Variants in COL12A1 observed in about 807,000 individuals in gnomAD.
COL12A1 encodes the protein collagen type XII alpha 1 chain, also known as collagen alpha-1(XII) chain.
COL12A1 carries 114 observed loss-of-function variants against 349.7 expected under a neutral mutation model. That is an observed-to-expected ratio of 0.33 (90% CI 0.28 to 0.38). The LOEUF (loss-of-function observed/expected upper bound fraction) is 0.38. Ranked by LOEUF, COL12A1 falls within the 10% of genes least tolerant of loss-of-function variation. The pLI is 1.00. For synonymous variants in COL12A1, 1,369 were observed against 1,329.0 expected (o/e 1.03, Z -0.66); for missense variants, 3,284 against 3,756.9 (o/e 0.87, Z 3.29).
chr6:75,092,231 A>T (rs1353371243), intron 60 of COL12A1, among the ~76,000 whole-genome samples: 2 of 152,210 alleles, frequency 1.3e-5, no homozygotes, highest in Non-Finnish European at 2.9e-5. Flanking sequence ...ACATTAGGAA[A>T]TATACCTAAT....
chr6:75,138,781 G>T, intron 28 of COL12A1, 41 bp downstream of exon 28: 1 of 1,610,332 alleles, frequency 6.2e-7, no homozygotes, highest in Non-Finnish European at 8.5e-7. Context: ...AAATTAAATG[G>T]GACATGAAAG....
At chr6:75,094,409 A>G (rs1199738134) in intron 60 of COL12A1, among the ~76,000 whole-genome samples, 2 of 152,144 alleles carry the variant, frequency 1.3e-5, no homozygotes, top group East Asian at 3.8e-4. Context: ...CAAAAAAAGG[A>G]AAAGCTTGTA....
intron 24 of COL12A1, 64 bp downstream of exon 24, chr6:75,146,038 A>G (rs1356871941): frequency 4.9e-5 from 72 of 1,461,738 alleles, no homozygotes; most frequent in Non-Finnish European, 6.6e-5. Flanking sequence ...CTGCAGTATA[A>G]TAGGCACTAT....
intron 25 of COL12A1, among the ~76,000 whole-genome samples, chr6:75,144,258 T>C (rs1020488639): frequency 2.0e-5 from 3 of 152,214 alleles, no homozygotes; most frequent in African/African-American, 7.2e-5. Context: ...CATGAGTCTC[T>C]ATCCCTGGCT....
intron 43 of COL12A1, among the ~76,000 whole-genome samples, chr6:75,122,974 C>T (rs1324821143): frequency 6.6e-6 from 1 of 152,186 alleles, no homozygotes; most frequent in African/African-American, 2.4e-5. Flanking sequence ...CTCAGGGCTT[C>T]GGTCGCAAAT....
rs550022140 is a variant in COL12A1 at position 75,118,765 on chromosome 6, T to C, written c.7354+278A>G. Among the ~76,000 whole-genome samples, 48 of 152,350 alleles carry C rather than the reference T, an allele frequency of 3.2e-4. No homozygotes were observed. The highest frequency in any genetic ancestry group is 6.2e-4 in the Non-Finnish European group (42 of 68,030). ...GGAAGCCTGCTCTAGCATCATCTCA[T>C]TATCATTGCTTTCTGTAGCCTTCCA... On this transcript the variant is annotated intron_variant, in intron 46 of 65. Transcript: ENST00000322507.
chr6:75,184,266 T>G, intron 8 of COL12A1, 122 bp from the exon 9 acceptor site: 1 of 1,080,478 alleles, frequency 9.3e-7, no homozygotes, highest in Non-Finnish European at 1.3e-6. Context: ...TGAAAAGAGT[T>G]GCCCAATACC....
Position 75,109,167 on chromosome 6 carries a change from C to T in COL12A1, c.7951G>A (p.Val2651Ile), listed in dbSNP as rs1347122880. The T allele has an allele frequency of 2.6e-6, 4 of 1,554,656 alleles. No homozygotes were observed. The East Asian group carries it at 9.1e-5, about 35-fold the overall frequency. The change falls in exon 52 of 66, where the codon GTT (valine) becomes ATT (isoleucine). Residue 2651 changes from valine (V) to isoleucine (I), a missense_variant and splice_region_variant. Physicochemically the swap from Val to Ile is conservative, Grantham distance 29 (BLOSUM62 3). Coordinates refer to ENST00000322507, the MANE Select transcript of COL12A1 (RefSeq NM_004370.6). ...CTTTTTGAGGTCACTACAATATGAA[C>T]CTAAAAAGATAATTTGTTTCCATTA... is the stretch of plus-strand genomic sequence containing the variant. ...KTLFYGSFHKVHIVVTSKSVK... is the reference protein window; with the variant it reads ...KTLFYGSFHKIHIVVTSKSVK...
intron 58 of COL12A1, among the ~76,000 whole-genome samples, chr6:75,099,214 C>A (rs1768190532): frequency 6.6e-6 from 1 of 151,968 alleles, no homozygotes; most frequent in Non-Finnish European, 1.5e-5. Context: ...ATTCCACTTC[C>A]CCAAAAAAAA....
At chr6:75,095,070 G>A in intron 60 of COL12A1, 38 bp downstream of exon 60, 1 of 1,585,486 alleles carries the variant, frequency 6.3e-7, no homozygotes, top group Non-Finnish European at 8.7e-7. Flanking sequence ...TTTCCACGGT[G>A]AAACCACTGT....
chr6:75,130,858 G>A lies in COL12A1; in HGVS notation c.6061C>T (p.Arg2021Ter), dbSNP rs1333110706. Reference sequence around the variant, plus strand: ...GAAAGGATTTCTGCCTCACGCGTTCGGCCCTGGGCAGGGCTGGGATTTCCC... The same window carrying A: ...GAAAGGATTTCTGCCTCACGCGTTCAGCCCTGGGCAGGGCTGGGATTTCCC... ...GEGNPSPAQG[R>*]TLPRSGPRNL... The change falls in exon 36 of 66, where the codon CGA becomes TGA. Residue 2021 changes from arginine to a stop codon, truncating the protein, a stop_gained. Transcript: ENST00000322507. LOFTEE classifies it high-confidence loss of function. 2.5e-6 allele frequency: 4 copies of A among 1,613,808 alleles called. No individual in the cohort carries two copies. Among genetic ancestry groups the A allele is most frequent in the Non-Finnish European group, 3.4e-6 (4 of 1,179,930 alleles).
At chr6:75,188,860 G>A (rs1769774358) in intron 7 of COL12A1, among the ~76,000 whole-genome samples, 1 of 151,982 alleles carries the variant, frequency 6.6e-6, no homozygotes, top group South Asian at 2.1e-4. Context: ...CAATAAGCTG[G>A]AGCCCTCTGA....
At chr6:75,108,108 C>A (rs780568806) in intron 52 of COL12A1, among the ~76,000 whole-genome samples, 96 of 152,174 alleles carry the variant, frequency 6.3e-4, no homozygotes, top group Non-Finnish European at 3.8e-4. Context: ...GAGACAGGGT[C>A]TCAGTCTGTC....
At chr6:75,192,673 T>C (rs181617907) in intron 3 of COL12A1, among the ~76,000 whole-genome samples, 37 of 152,230 alleles carry the variant, frequency 2.4e-4, no homozygotes, top group Admixed American at 1.2e-3. Flanking sequence ...TAATGGTAGA[T>C]AACAGTTTTA....
At chr6:75,197,554 C>T (rs1339595879) in intron 2 of COL12A1, among the ~76,000 whole-genome samples, 5 of 152,146 alleles carry the variant, frequency 3.3e-5, no homozygotes, top group African/African-American at 7.2e-5. Flanking sequence ...TCAGGTGATC[C>T]GCCCTCCTCA....
intron 13 of COL12A1, among the ~76,000 whole-genome samples, chr6:75,173,592 C>T (rs1189181652): frequency 6.6e-6 from 1 of 152,202 alleles, no homozygotes; most frequent in Admixed American, 6.5e-5. Flanking sequence ...CCAGGCTGAT[C>T]TCGAATTCCT....
Position 75,087,416 on chromosome 6 carries a change from T to C in COL12A1, c.9181+161A>G, listed in dbSNP as rs74616265. 891 of 631,272 alleles carry C rather than the reference T, an allele frequency of 1.4e-3. 9 individuals are homozygous for C. The East Asian group carries it at 0.025, about 18-fold the overall frequency. 39.1% of individuals were successfully genotyped at this position (631,272 alleles called of 1,614,324 possible). A position where few individuals can be genotyped will look rare whatever the true frequency, so the allele number is the denominator to read the frequency against. On this transcript the variant is annotated intron_variant, in intron 65 of 65. Transcript: ENST00000322507. ...CAATCCTAACAGTGAAATAATGTTGTGTGCTATGATAGCAAACACTATTAT... is the reference window on the plus strand; with the variant it reads ...CAATCCTAACAGTGAAATAATGTTGCGTGCTATGATAGCAAACACTATTAT...
Position 75,188,467 on chromosome 6 carries a change from T to G in COL12A1, c.892A>C (p.Asn298His), listed in dbSNP as rs1404705545. The G allele has an allele frequency of 1.9e-6, 3 of 1,613,628 alleles. No individual in the cohort carries two copies. Among genetic ancestry groups the G allele is most frequent in the African/African-American group, 2.7e-5 (2 of 75,010 alleles). ...ASTPSLNHVF[N>H]VANFDAIVDI... The stretch of plus-strand genomic sequence containing the variant: ...ACAATTGCATCAAAGTTGGCCACAT[T>G]GAAAACATGGTTCAGTGAAGGTGTG... The change falls in exon 8 of 66, where the codon AAT becomes CAT. Residue 298 changes from asparagine (N) to histidine (H), a missense_variant. Coordinates refer to ENST00000322507, the MANE Select transcript of COL12A1 (RefSeq NM_004370.6).
intron 38 of COL12A1, among the ~76,000 whole-genome samples, chr6:75,127,758 T>G (rs1004305047): frequency 9.2e-5 from 14 of 152,144 alleles, no homozygotes; most frequent in African/African-American, 2.7e-4. Flanking sequence ...CCTAAGAAAT[T>G]ACCACCAGTA....
Sources: allele counts gnomAD v4.1 joint callset (sites outside exome capture counted in the v4.1 genomes callset), GRCh38; gene constraint gnomAD v4.1.1; transcripts MANE v1.5; gene names NCBI Gene and HGNC (gene_info 2026-07-23, HGNC 2026-07-21).